Variants in NTM observed in about 807,000 individuals in gnomAD.
NTM encodes the protein neurotrimin.
A neutral mutation model predicts 42.1 loss-of-function variants in NTM; 13 were observed. The ratio of observed to expected loss-of-function variants is 0.31; its 90% confidence interval spans 0.20 to 0.49. NTM has a LOEUF of 0.49. NTM is among the 20% of genes least tolerant of loss of function. NTM has a pLI of 0.99. For missense variants in NTM, 373 were observed against 452.8 expected, an observed-to-expected ratio of 0.82 and a Z score of 1.60; for synonymous variants, 187 against 179.2, an observed-to-expected ratio of 1.04 and a Z score of -0.35.
chr11:132,241,885 C>G (rs1006735205), intron 4 of NTM, among the ~76,000 whole-genome samples: 1 of 152,196 alleles, frequency 6.6e-6, no homozygotes, highest in Non-Finnish European at 1.5e-5. Context: ...TGTTAAGAAG[C>G]AGCATTTGGG....
intron 1 of NTM, among the ~76,000 whole-genome samples, chr11:131,395,322 T>C (rs1471556892): frequency 3.3e-5 from 5 of 152,230 alleles, no homozygotes; most frequent in African/African-American, 1.2e-4. Flanking sequence ...AATATTGCTT[T>C]TATAGCTTTT....
intron 4 of NTM, among the ~76,000 whole-genome samples, chr11:132,256,303 A>G (rs867765822): frequency 1.3e-5 from 2 of 152,210 alleles, no homozygotes; most frequent in Non-Finnish European, 2.9e-5. Context: ...AGTCATGACC[A>G]TAGCATCTGA....
chr11:132,245,944 C>G (rs2091061828), intron 4 of NTM, among the ~76,000 whole-genome samples: 1 of 152,174 alleles, frequency 6.6e-6, no homozygotes, highest in Non-Finnish European at 1.5e-5. Context: ...CTACTCATCC[C>G]AGCTGCCGCG....
chr11:132,085,523 C>T (rs955724743), intron 2 of NTM, among the ~76,000 whole-genome samples: 16 of 152,230 alleles, frequency 1.1e-4, no homozygotes, highest in Non-Finnish European at 1.8e-4. Context: ...CACCTATTTA[C>T]ATTTTAACAA....
chr11:131,911,337 C>T (rs1307073020), intron 1 of NTM: 1 of 1,493,456 alleles, frequency 6.7e-7, no homozygotes, highest in South Asian at 1.3e-5. Context: ...AGTCTGCGCG[C>T]TTTTCTCCTC....
At chr11:131,611,651 G>A (rs1162640078) in intron 1 of NTM, among the ~76,000 whole-genome samples, 2 of 152,208 alleles carry the variant, frequency 1.3e-5, no homozygotes, top group Non-Finnish European at 1.5e-5. Context: ...GCAAGGAACT[G>A]CAGCTAGAAG....
chr11:131,549,348 T>C (rs1349340971), intron 1 of NTM, among the ~76,000 whole-genome samples: 1 of 152,132 alleles, frequency 6.6e-6, no homozygotes, highest in Non-Finnish European at 1.5e-5. Flanking sequence ...TCACACCCTA[T>C]ATAGAAGAAA....
intron 4 of NTM, among the ~76,000 whole-genome samples, chr11:132,267,143 A>G (rs969954327): frequency 6.6e-6 from 1 of 152,196 alleles, no homozygotes; most frequent in Non-Finnish European, 1.5e-5. Flanking sequence ...GAGTAGCTAG[A>G]TCAAAGGATT....
intron 2 of NTM, among the ~76,000 whole-genome samples, chr11:132,013,830 TGGG>T (rs1222631611): frequency 2.0e-5 from 3 of 152,092 alleles, no homozygotes; most frequent in African/African-American, 7.2e-5. Context: ...GTGATCAAGT[TGGG>T]GGGTTTAGGA....
chr11:132,302,729 C>T (rs1421959298), intron 4 of NTM, among the ~76,000 whole-genome samples: 4 of 152,198 alleles, frequency 2.6e-5, no homozygotes, highest in African/African-American at 9.7e-5. Context: ...CAGCACAAGA[C>T]AGCTACTCAA....
At chr11:131,958,736 C>T (rs1033795658) in intron 2 of NTM, among the ~76,000 whole-genome samples, 1 of 152,218 alleles carries the variant, frequency 6.6e-6, no homozygotes, top group African/African-American at 2.4e-5. Flanking sequence ...CACTAGTGAG[C>T]ATTTAGCAGT....
At chr11:131,935,213 G>T (rs1246691211) in intron 2 of NTM, among the ~76,000 whole-genome samples, 1 of 152,158 alleles carries the variant, frequency 6.6e-6, no homozygotes, top group Non-Finnish European at 1.5e-5. Context: ...TGGTTTTGTT[G>T]TATTAGTGTT....
At chr11:131,471,689 C>T (rs1197908454) in intron 1 of NTM, among the ~76,000 whole-genome samples, 2 of 152,112 alleles carry the variant, frequency 1.3e-5, no homozygotes, top group African/African-American at 4.8e-5. Flanking sequence ...CAGAAGCATG[C>T]CGGTAAATTC....
chr11:131,718,122 T>C (rs2135373543), intron 1 of NTM, among the ~76,000 whole-genome samples: 1 of 152,332 alleles, frequency 6.6e-6, no homozygotes, highest in Middle Eastern at 3.4e-3. Context: ...GTATGTTTTT[T>C]AGAATTTTTG....
At position 132,003,109 on chromosome 11, in the gene NTM, G is replaced by C. The variant is rs370894019; in HGVS notation, c.167+91461G>C. On this transcript the variant is annotated intron_variant, in intron 2 of 8. Coordinates refer to ENST00000683400, the MANE Select transcript of NTM (RefSeq NM_001352005.2). This position sits in a 1 kb window ranked among gnomAD's most constrained non-coding sequence, Gnocchi z 6.0. ...GTTGTGTGTGTAATTGACTTTTATA[G>C]TCAATTCTGCTTATATTTCCTCCTT... Among the ~76,000 whole-genome samples the C allele has an allele frequency of 6.6e-6, 1 of 152,112 alleles. No homozygotes were observed. The highest frequency in any genetic ancestry group is 2.4e-5 in the African/African-American group (1 of 41,404).
intron 1 of NTM, among the ~76,000 whole-genome samples, chr11:131,442,810 TGTGTGTGTATATATATATATACA>T (rs1380498189): frequency 6.6e-6 from 1 of 151,916 alleles, no homozygotes; most frequent in East Asian, 1.9e-4. Flanking sequence ...ATTATATATA[TGTGTGTGTATATATATATATACA>T]CACACAGACA....
At chr11:131,413,555 G>A (rs1394908241) in intron 1 of NTM, among the ~76,000 whole-genome samples, 1 of 152,182 alleles carries the variant, frequency 6.6e-6, no homozygotes. Context: ...AGTTACTGTG[G>A]AATTTTCTCC....
At chr11:132,014,669 C>G (rs1222055082) in intron 2 of NTM, among the ~76,000 whole-genome samples, 4 of 144,356 alleles carry the variant, frequency 2.8e-5, no homozygotes, top group Non-Finnish European at 6.0e-5. Flanking sequence ...ACCTGTTAAT[C>G]ATTTGGATGT....
At chr11:132,314,933 C>A in intron 7 of NTM, 4 of 1,296,598 alleles carry the variant, frequency 3.1e-6, no homozygotes, top group Non-Finnish European at 3.9e-6. Flanking sequence ...TACATGTATA[C>A]AAAGTAGTAT....
Sources: allele counts gnomAD v4.1 joint callset (sites outside exome capture counted in the v4.1 genomes callset), GRCh38; gene constraint gnomAD v4.1.1; non-coding constraint Gnocchi (gnomAD v3.1); transcripts MANE v1.5; gene names NCBI Gene and HGNC (gene_info 2026-07-23, HGNC 2026-07-21).